TMEM183A: variants seen among roughly 807,000 people sequenced by gnomAD.
TMEM183A encodes chromosome 1 open reading frame 37.
A neutral mutation model predicts 46.7 loss-of-function variants in TMEM183A; 21 were observed. The ratio of observed to expected loss-of-function variants is 0.45; its 90% confidence interval spans 0.32 to 0.65. The LOEUF (loss-of-function observed/expected upper bound fraction) is 0.65, where lower values mean the gene tolerates loss of function less well. Ranked by LOEUF, TMEM183A falls within the 30% of genes least tolerant of loss-of-function variation. The probability of loss-of-function intolerance (pLI) is 0.04; values close to 1 mark genes in which losing one functional copy is unlikely to be tolerated. For missense variants in TMEM183A, 331 were observed against 481.9 expected (o/e 0.69, Z 2.93); for synonymous variants, 165 against 180.2 (o/e 0.92, Z 0.68).
rs1372774604 is a variant in TMEM183A at position 203,013,599 on chromosome 1, C to T, written c.368-1290C>T. ...CTATCTCGGCTCACTGCAAGCTCCGCCTCCTGGGTTCACGCCATTCTCCTG... is the reference window on the plus strand; with the variant it reads ...CTATCTCGGCTCACTGCAAGCTCCGTCTCCTGGGTTCACGCCATTCTCCTG... On this transcript the variant is annotated intron_variant, in intron 3 of 7. Coordinates refer to ENST00000367242, the MANE Select transcript of TMEM183A (RefSeq NM_138391.6). This position sits in a 1 kb window ranked among gnomAD's most constrained non-coding sequence, Gnocchi z 4.0. Among the ~76,000 whole-genome samples the T allele has an allele frequency of 6.6e-6, 1 of 152,070 alleles. No individual in the cohort carries two copies. The highest frequency in any genetic ancestry group is 2.4e-5 in the African/African-American group (1 of 41,378).
chr1:203,023,390 G>C lies in TMEM183A; in HGVS notation c.*350G>C, dbSNP rs1657902899. 6.5e-6 allele frequency: 1 copy of C among 153,872 alleles called. No homozygotes were observed. Among genetic ancestry groups the C allele is most frequent in the African/African-American group, 2.4e-5 (1 of 41,186 alleles). The allele number at this position is 153,872 out of a possible 1,614,324, so 9.5% of individuals were successfully genotyped here. ...ACTCTTTGAATCTCCAAACAAGGAAGTTTCAGCATTCCCTTATGGATCAGA... is the reference window on the plus strand; with the variant it reads ...ACTCTTTGAATCTCCAAACAAGGAACTTTCAGCATTCCCTTATGGATCAGA... On this transcript the variant is annotated 3_prime_UTR_variant, in exon 8 of 8. Transcript: ENST00000367242.
rs1432539358 is a variant in TMEM183A, at chr1:203,024,363, C to T, written c.*1323C>T. On this transcript the variant is annotated 3_prime_UTR_variant, in exon 8 of 8. Coordinates refer to ENST00000367242, the MANE Select transcript of TMEM183A (RefSeq NM_138391.6). Reference sequence around the variant, plus strand: ...CTTGCTGCTTGTCTCTCCTCCCACCCTCCACCATCCAAAATTAACCAGTGA... The same window carrying T: ...CTTGCTGCTTGTCTCTCCTCCCACCTTCCACCATCCAAAATTAACCAGTGA... 1.3e-5 allele frequency: 2 copies of T among 152,204 alleles called. No homozygotes were observed. Among genetic ancestry groups the T allele is most frequent in the Non-Finnish European group, 2.9e-5 (2 of 68,036 alleles). 9.4% of individuals were successfully genotyped at this position (152,204 alleles called of 1,614,324 possible). A position where few individuals can be genotyped will look rare whatever the true frequency, so the allele number is the denominator to read the frequency against.
chr1:203,022,576 G>A (rs915680915), intron 7 of TMEM183A, among the ~76,000 whole-genome samples: 14 of 151,874 alleles, frequency 9.2e-5, no homozygotes, highest in Non-Finnish European at 1.3e-4. Context: ...GGTGGTGCAC[G>A]CCTATATTCC....
In TMEM183A at chr1:203,018,656, C is replaced by A. The variant is rs545910434; in HGVS notation, c.789+95C>A. Reference sequence around the variant, plus strand: ...GTCTGTTTGTGTTGCTATAACAGTACCACAGATTCTGGGTAACTTAAAAAG... The same window carrying A: ...GTCTGTTTGTGTTGCTATAACAGTAACACAGATTCTGGGTAACTTAAAAAG... On this transcript the variant is annotated intron_variant, in intron 6 of 7. Transcript: ENST00000367242. The A allele has an allele frequency of 5.2e-4, 698 of 1,355,176 alleles. 5 individuals carry two copies. In the South Asian group the frequency reaches 7.0e-3, roughly 14 times the overall value. The allele number at this position is 1,355,176 out of a possible 1,614,324, so 83.9% of individuals were successfully genotyped here.
chr1:203,008,152 C>T (rs759323902), intron 2 of TMEM183A, among the ~76,000 whole-genome samples: 2 of 152,180 alleles, frequency 1.3e-5, no homozygotes, highest in Non-Finnish European at 2.9e-5. Context: ...TTTTACTCTG[C>T]AGTTTGCTTC....
Position 203,008,807 on chromosome 1 carries a change from A to C in TMEM183A, c.364A>C (p.Lys122Gln). Residue 122 changes from lysine to glutamine, a missense_variant, in exon 3 of 8, where the codon AAA becomes CAA. This residue lies in a region of TMEM183A where 233 missense variants were observed against 385.8 expected (regional missense o/e 0.60). Coordinates refer to ENST00000367242, the MANE Select transcript of TMEM183A (RefSeq NM_138391.6). ...VSRKKKSKRH[K>Q]EELDGAGGEE... ...CAGAAAAAAGAAAAGCAAGAGACAC[A>C]AAGGTATGGAGCTTGTTCTCTTTTG... is the stretch of plus-strand genomic sequence containing the variant. The C allele has an allele frequency of 6.2e-7, 1 of 1,605,082 alleles. No individual in the cohort carries two copies.
chr1:203,007,486 G>A lies in TMEM183A; in HGVS notation c.21G>A (p.Pro7=), dbSNP rs1335158865. ...GAGACATGGCCCGGGGGCCCGGCCC[G>A]CTAGGCAGGCCTCGCCCCGATACGG... MARGPG[P]LGRPRPDTVA... is the part of the protein sequence containing the mutation. Residue 7 remains proline (P), a synonymous_variant, in exon 1 of 8, where the codon CCG becomes CCA. Coordinates refer to ENST00000367242, the MANE Select transcript of TMEM183A (RefSeq NM_138391.6). The A allele has an allele frequency of 6.8e-6, 10 of 1,479,368 alleles. No homozygotes were observed. Among genetic ancestry groups the A allele is most frequent in the East Asian group, 2.7e-5 (1 of 37,024 alleles). The allele number at this position is 1,479,368 out of a possible 1,614,324, so 91.6% of individuals were successfully genotyped here. A position where few individuals can be genotyped will look rare whatever the true frequency, so the allele number is the denominator to read the frequency against.
rs540455378 is a variant in TMEM183A at position 203,014,048 on chromosome 1, C to T, written c.368-841C>T. Among the ~76,000 whole-genome samples the T allele has an allele frequency of 7.2e-5, 11 of 152,322 alleles. No homozygotes were observed. The East Asian group carries it at 9.7e-4, about 13-fold the overall frequency. ...GATTACAGGCGTGAGCCACTACGCCCGGCCTGCCTATACCATCTTAAAGTC... is the reference window on the plus strand; with the variant it reads ...GATTACAGGCGTGAGCCACTACGCCTGGCCTGCCTATACCATCTTAAAGTC... On this transcript the variant is annotated intron_variant, in intron 3 of 7. Coordinates refer to ENST00000367242, the MANE Select transcript of TMEM183A (RefSeq NM_138391.6).
At chr1:203,019,685 C>A (rs566628368) in intron 6 of TMEM183A, among the ~76,000 whole-genome samples, 1 of 152,132 alleles carries the variant, frequency 6.6e-6, no homozygotes, top group African/African-American at 2.4e-5. Flanking sequence ...TCATGTATTT[C>A]TGAACGTAAG....
At position 203,022,966 on chromosome 1, in the gene TMEM183A, A is replaced by T; in HGVS notation, c.1057A>T (p.Ile353Phe). Residue 353 changes from isoleucine to phenylalanine, a missense_variant, in exon 8 of 8, where the codon ATC (isoleucine) becomes TTC (phenylalanine). Ile to Phe is a conservative substitution (Grantham distance 21, BLOSUM62 0). Around this residue, in one of 2 missense-constraint regions of TMEM183A, gnomAD observed 233 missense variants for 385.8 expected, o/e 0.60. Coordinates refer to ENST00000367242, the MANE Select transcript of TMEM183A (RefSeq NM_138391.6). The stretch of plus-strand genomic sequence containing the variant: ...GCGCAGTGAACAGGGTGTGCAAGTC[A>T]TCCTGGACCCAGTGCACAGCGTTCG... Reference protein sequence around the residue: ...KLRSEQGVQVILDPVHSVRLF... With the variant: ...KLRSEQGVQVFLDPVHSVRLF... The T allele has an allele frequency of 6.2e-7, 1 of 1,609,006 alleles. No homozygotes were observed. The highest frequency in any genetic ancestry group is 8.5e-7 in the Non-Finnish European group (1 of 1,176,318).
At position 203,015,973 on chromosome 1, in the gene TMEM183A, G is replaced by A; in HGVS notation, c.541G>A (p.Asp181Asn). 1 of 1,613,960 alleles carries A rather than the reference G, an allele frequency of 6.2e-7. No individual in the cohort carries two copies. The highest frequency in any genetic ancestry group is 8.5e-7 in the Non-Finnish European group (1 of 1,179,842). Residue 181 changes from aspartate (D) to asparagine (N), a missense_variant, in exon 5 of 8, where the codon GAT becomes AAT. Physicochemically the swap from Asp to Asn is conservative, Grantham distance 23. Transcript: ENST00000367242. ...TRLYRRHYTL[D>N]ASLPLRLRPE... Reference sequence around the variant, plus strand: ...GTCATGTTTCAGGCACTACACGCTGGATGCTTCCCTGCCTTTGCGTCTGCG... The same window carrying A: ...GTCATGTTTCAGGCACTACACGCTGAATGCTTCCCTGCCTTTGCGTCTGCG...
At chr1:203,022,254 G>C (rs770957699) in intron 7 of TMEM183A, among the ~76,000 whole-genome samples, 10 of 151,944 alleles carry the variant, frequency 6.6e-5, no homozygotes, top group Non-Finnish European at 1.5e-4. Context: ...TGTATTTTTG[G>C]TAGAAATGGG....
At chr1:203,016,520 CA>C (rs1440019372) in intron 5 of TMEM183A, among the ~76,000 whole-genome samples, 1 of 152,156 alleles carries the variant, frequency 6.6e-6, no homozygotes, top group African/African-American at 2.4e-5. Context: ...AGAGGTATAA[CA>C]TGAACATCTC....
intron 4 of TMEM183A, 172 bp from the exon 5 acceptor site, chr1:203,015,788 C>G: frequency 1.3e-6 from 1 of 751,916 alleles, no homozygotes; most frequent in South Asian, 2.0e-5. Context: ...TGCCGGATTA[C>G]AAGGCAAAGA....
In TMEM183A at chr1:203,007,378, C is replaced by T. The variant is rs1225548549; in HGVS notation, c.-88C>T. On this transcript the variant is annotated 5_prime_UTR_variant, in exon 1 of 8. Transcript: ENST00000367242. ...CTCGGAACCCGGACCTATGTTCTCG[C>T]GAGAGTTAGCGGCCTCCGGTGTGGG... 1.6e-6 allele frequency: 2 copies of T among 1,266,734 alleles called. No individual in the cohort carries two copies. Among genetic ancestry groups the T allele is most frequent in the African/African-American group, 1.6e-5 (1 of 63,678 alleles). 78.5% of individuals were successfully genotyped at this position (1,266,734 alleles called of 1,614,324 possible).
intron 7 of TMEM183A, among the ~76,000 whole-genome samples, chr1:203,022,178 C>T (rs1185232580): frequency 1.3e-5 from 2 of 152,070 alleles, no homozygotes; most frequent in Non-Finnish European, 2.9e-5. Context: ...AAGTGATTCT[C>T]CTGCCTCCGC....
chr1:203,008,601 T>C, intron 2 of TMEM183A, 42 bp from the exon 3 acceptor site: 1 of 1,420,104 alleles, frequency 7.0e-7, no homozygotes, highest in Non-Finnish European at 9.3e-7. Context: ...TATTTCTGGG[T>C]GGAGCTGTGT....
At chr1:203,009,068 T>G (rs1011775823) in intron 3 of TMEM183A, among the ~76,000 whole-genome samples, 3 of 152,196 alleles carry the variant, frequency 2.0e-5, no homozygotes, top group African/African-American at 4.8e-5. Flanking sequence ...TGGACTCTAG[T>G]AGCCCTTCAT....
intron 3 of TMEM183A, among the ~76,000 whole-genome samples, chr1:203,011,706 GCTAT>G (rs781039718): frequency 2.6e-5 from 4 of 152,034 alleles, no homozygotes; most frequent in African/African-American, 9.7e-5. Flanking sequence ...ACCGCACCCG[GCTAT>G]CTTTTTATTA....
Sources: allele counts gnomAD v4.1 joint callset (sites outside exome capture counted in the v4.1 genomes callset), GRCh38; gene constraint gnomAD v4.1.1; regional missense constraint gnomAD v4.1.1; non-coding constraint Gnocchi (gnomAD v3.1); transcripts MANE v1.5; gene names NCBI Gene and HGNC (gene_info 2026-07-23, HGNC 2026-07-21).